Variants in VWF observed in about 807,000 individuals in gnomAD.
VWF encodes the protein Factor VIII related antigen.
VWF carries 176 observed loss-of-function variants against 308.6 expected under a neutral mutation model. The observed-to-expected ratio is 0.57, with a 90% CI of 0.50 to 0.65. The LOEUF is 0.65. VWF is among the 30% of genes least tolerant of loss of function. VWF has a pLI of 0.00. For synonymous variants in VWF, 1,385 were observed against 1,443.4 expected (o/e 0.96, Z 0.92); for missense variants, 3,146 against 3,648.2 (o/e 0.86, Z 3.55).
chr12:6,086,733 G>C (rs533813648), intron 6 of VWF, among the ~76,000 whole-genome samples: 11 of 152,178 alleles, frequency 7.2e-5, no homozygotes, highest in Non-Finnish European at 1.2e-4. Flanking sequence ...GAGTCACCAT[G>C]AGCAGAAATA....
intron 9 of VWF, among the ~76,000 whole-genome samples, chr12:6,071,694 C>G (rs1944784525): frequency 6.6e-6 from 1 of 152,198 alleles, no homozygotes; most frequent in South Asian, 2.1e-4. Context: ...AAATGGGTAG[C>G]TCCCAGCCCA....
chr12:5,968,657 G>A (rs972203302), intron 45 of VWF, among the ~76,000 whole-genome samples: 3 of 152,064 alleles, frequency 2.0e-5, no homozygotes, highest in South Asian at 2.1e-4. Flanking sequence ...TTAGCCGAGT[G>A]TGGTGGCGCA....
intron 40 of VWF, among the ~76,000 whole-genome samples, chr12:5,983,542 T>TA (rs398070016): frequency 0.075 from 11,327 of 151,802 alleles, 622 homozygotes; most frequent in East Asian, 0.25. Flanking sequence ...GATAGATAGA[T>TA]GGATGATAGA....
At chr12:6,014,494 G>C (rs967495454) in intron 31 of VWF, among the ~76,000 whole-genome samples, 2 of 152,176 alleles carry the variant, frequency 1.3e-5, no homozygotes, top group Non-Finnish European at 2.9e-5. Flanking sequence ...GGGGAGGTGT[G>C]ACTCTCGAAG....
chr12:5,971,639 G>A lies in VWF; in HGVS notation c.7508C>T (p.Thr2503Ile). The A allele has an allele frequency of 6.2e-7, 1 of 1,614,210 alleles. No homozygotes were observed. The highest frequency in any genetic ancestry group is 1.6e-4 in the Middle Eastern group (1 of 6,062). ...CTGGGAGTCCCCCCGCGGTGAGCCA[G>A]TCACCACCTCACAGGCAGATGGCAG... is the stretch of plus-strand genomic sequence containing the variant. ...RCLPSACEVV[T>I]GSPRGDSQSS... is the part of the protein sequence containing the mutation. Residue 2503 changes from threonine to isoleucine, a missense_variant, in exon 44 of 52, where the codon ACT becomes ATT. Physicochemically the swap from Thr to Ile is moderately conservative, Grantham distance 89. Coordinates refer to ENST00000261405, the MANE Select transcript of VWF (RefSeq NM_000552.5).
intron 16 of VWF, among the ~76,000 whole-genome samples, chr12:6,052,307 A>G (rs558126069): frequency 6.6e-6 from 1 of 152,346 alleles, no homozygotes; most frequent in African/African-American, 2.4e-5. Flanking sequence ...ACAGTTGGCA[A>G]TAAAACTCAA....
chr12:6,120,138 C>T (rs1002668822), intron 3 of VWF, among the ~76,000 whole-genome samples: 1 of 152,174 alleles, frequency 6.6e-6, no homozygotes, highest in Non-Finnish European at 1.5e-5. Flanking sequence ...TGTCAGTCCC[C>T]GCTGACTGAT....
At chr12:6,087,781 A>T (rs186500567) in intron 6 of VWF, among the ~76,000 whole-genome samples, 1 of 152,240 alleles carries the variant, frequency 6.6e-6, no homozygotes, top group East Asian at 1.9e-4. Context: ...ATTCTCAACC[A>T]ACTCTGAGTT....
chr12:6,047,172 G>A (rs1565842750), intron 16 of VWF, among the ~76,000 whole-genome samples: 2 of 151,874 alleles, frequency 1.3e-5, no homozygotes, highest in Admixed American at 6.6e-5. Context: ...TTCAATATCG[G>A]CCTTCCCCAG....
intron 34 of VWF, among the ~76,000 whole-genome samples, chr12:6,003,974 C>G (rs1209981446): frequency 6.6e-6 from 1 of 152,024 alleles, no homozygotes; most frequent in Non-Finnish European, 1.5e-5. Context: ...CGCCACCACG[C>G]CCGGCTAATT....
intron 6 of VWF, among the ~76,000 whole-genome samples, chr12:6,082,214 C>T (rs1944921158): frequency 6.6e-6 from 1 of 152,206 alleles, no homozygotes; most frequent in Non-Finnish European, 1.5e-5. Context: ...ATCTGCCCGC[C>T]TAGGCCTCCC....
chr12:5,971,600 C>T lies in VWF; in HGVS notation c.7547G>A (p.Ser2516Asn), dbSNP rs761764663. 6.2e-7 allele frequency: 1 copy of T among 1,613,808 alleles called. No individual in the cohort carries two copies. The highest frequency in any genetic ancestry group is 1.1e-5 in the South Asian group (1 of 91,082). ...PRGDSQSSWK[S>N]VGSQWASPEN... ...CCCGTCCCGGGGGCCTGGACCTACA[C>T]TCTTCCAGGAAGACTGGGAGTCCCC... Residue 2516 changes from serine (S) to asparagine (N), a missense_variant and splice_region_variant, in exon 44 of 52, where the codon AGT (serine) becomes AAT (asparagine). By Grantham distance (46) the Ser-to-Asn change is conservative (BLOSUM62 1). Coordinates refer to ENST00000261405, the MANE Select transcript of VWF (RefSeq NM_000552.5).
At chr12:6,118,939 G>A (rs773131731) in intron 3 of VWF, among the ~76,000 whole-genome samples, 74 of 152,272 alleles carry the variant, frequency 4.9e-4, no homozygotes, top group Non-Finnish European at 9.1e-4. Flanking sequence ...GGACCCTCAC[G>A]GTCAGTGTTG....
Position 5,996,104 on chromosome 12 carries a change from A to T in VWF, c.5961T>A (p.Ile1987=). 6.2e-7 allele frequency: 1 copy of T among 1,614,100 alleles called. No homozygotes were observed. Among genetic ancestry groups the T allele is most frequent in the Non-Finnish European group, 8.5e-7 (1 of 1,180,012 alleles). The change falls in exon 35 of 52, where the codon ATT becomes ATA. Residue 1987 remains isoleucine (I), a synonymous_variant. Coordinates refer to ENST00000261405, the MANE Select transcript of VWF (RefSeq NM_000552.5). ...CAGGGCTGCAGGCACCATTATGGAG[A>T]ATCACCTCCAGGTCCTGCTCCTTGT... is the stretch of plus-strand genomic sequence containing the variant. ...FQNKEQDLEV[I]LHNGACSPGA...
At chr12:6,091,853 G>T (rs1286225713) in intron 6 of VWF, among the ~76,000 whole-genome samples, 1 of 152,242 alleles carries the variant, frequency 6.6e-6, no homozygotes, top group African/African-American at 2.4e-5. Flanking sequence ...GCCAGGCAGG[G>T]CATGAGTCCT....
At chr12:6,089,961 TC>T (rs1213263203) in intron 6 of VWF, among the ~76,000 whole-genome samples, 1 of 146,932 alleles carries the variant, frequency 6.8e-6, no homozygotes, top group East Asian at 1.9e-4. Flanking sequence ...TCCTCTTTTT[TC>T]TTTTTTTTTG....
intron 10 of VWF, among the ~76,000 whole-genome samples, chr12:6,070,108 T>C (rs145272206): frequency 7.9e-4 from 120 of 152,372 alleles, no homozygotes; most frequent in African/African-American, 2.9e-3. Context: ...TTGCAGCAAC[T>C]CATATGTCTT....
At chr12:6,062,888 C>G in intron 13 of VWF, 66 bp downstream of exon 13, 1 of 1,359,000 alleles carries the variant, frequency 7.4e-7, no homozygotes, top group Non-Finnish European at 1.0e-6. Flanking sequence ...CCATTCTACC[C>G]AGAGCACAAG....
At chr12:5,959,059 T>C (rs1943281842) in intron 47 of VWF, among the ~76,000 whole-genome samples, 1 of 151,764 alleles carries the variant, frequency 6.6e-6, no homozygotes, top group Non-Finnish European at 1.5e-5. Context: ...CCACAAAAAT[T>C]AGTTGGACAT....
Sources: gnomAD v4.1 joint callset for allele counts (sites outside exome capture counted in the v4.1 genomes callset) on GRCh38, gnomAD v4.1.1 for gene constraint, MANE v1.5 for transcripts, NCBI Gene and HGNC (gene_info 2026-07-23, HGNC 2026-07-21) for gene names.